Variants in KCNH5 observed in about 807,000 individuals in gnomAD.
KCNH5 encodes the protein voltage-gated delayed rectifier potassium channel KCNH5.
In KCNH5, 46 loss-of-function variants were observed where a neutral mutation model predicts 96.1. The observed-to-expected ratio is 0.48, with a 90% CI of 0.38 to 0.61. The LOEUF is 0.61. Ranked by LOEUF, KCNH5 falls within the 20% of genes least tolerant of loss-of-function variation. The pLI is 0.00. For synonymous variants in KCNH5, 439 were observed against 449.8 expected (o/e 0.98, Z 0.30); for missense variants, 907 against 1,225.8 (o/e 0.74, Z 3.88).
At chr14:62,853,704 T>A (rs576771209) in intron 7 of KCNH5, among the ~76,000 whole-genome samples, 236 of 151,512 alleles carry the variant, frequency 1.6e-3, no homozygotes, top group African/African-American at 5.6e-3. Flanking sequence ...CTCATTCAGG[T>A]CTCTGCTCAA....
intron 3 of KCNH5, among the ~76,000 whole-genome samples, chr14:63,002,039 A>G (rs532474736): frequency 3.2e-4 from 49 of 152,270 alleles, no homozygotes; most frequent in African/African-American, 1.1e-3. Flanking sequence ...GAGAGAGAGG[A>G]TGTCAGCAAA....
chr14:62,889,036 C>G (rs1478457355), intron 7 of KCNH5, among the ~76,000 whole-genome samples: 2 of 152,174 alleles, frequency 1.3e-5, no homozygotes, highest in Non-Finnish European at 2.9e-5. Flanking sequence ...CACCCTACAA[C>G]AGTAACGTCC....
intron 8 of KCNH5, among the ~76,000 whole-genome samples, chr14:62,815,768 CTG>C (rs1179797154): frequency 6.6e-6 from 1 of 151,936 alleles, no homozygotes; most frequent in Non-Finnish European, 1.5e-5. Context: ...CTTGGAATGA[CTG>C]TGATTTTGAA....
intron 4 of KCNH5, among the ~76,000 whole-genome samples, chr14:62,995,547 G>T (rs755415533): frequency 9.2e-5 from 14 of 152,076 alleles, no homozygotes; most frequent in Non-Finnish European, 1.6e-4. Flanking sequence ...GACTAAATAT[G>T]AGTGGATTAA....
In KCNH5 at chr14:63,001,431, A is replaced by G. The variant is rs1349107141; in HGVS notation, c.333T>C (p.Ile111=). The change falls in exon 4 of 11, where the codon ATT becomes ATC. Residue 111 remains isoleucine (I), a synonymous_variant. Transcript: ENST00000322893. The stretch of plus-strand genomic sequence containing the variant: ...TTTCATGTTCATTTCTTATTGGTGC[A>G]ATTTGCATATAAAACCAAACAGGGG... ...NRTPVWFYMQ[I]APIRNEHEKV... 3 of 1,611,802 alleles carry G rather than the reference A, an allele frequency of 1.9e-6. No homozygotes were observed. Among genetic ancestry groups the G allele is most frequent in the Non-Finnish European group, 1.7e-6 (2 of 1,179,140 alleles).
At chr14:62,871,357 T>C (rs1015118593) in intron 7 of KCNH5, among the ~76,000 whole-genome samples, 4 of 152,166 alleles carry the variant, frequency 2.6e-5, no homozygotes, top group African/African-American at 9.6e-5. Flanking sequence ...AAGAAAAGCT[T>C]CCCAGAGGAG....
chr14:63,003,471 A>ATTATATATATT, intron 3 of KCNH5, among the ~76,000 whole-genome samples: 1 of 131,202 alleles, frequency 7.6e-6, no homozygotes, highest in Non-Finnish European at 1.5e-5. Context: ...TTTTATATAT[A>ATTATATATATT]TTATATATAT....
rs549261764 is a variant in KCNH5, at chr14:62,731,555, C to G, written c.2020-23100G>C. Among the ~76,000 whole-genome samples the G allele has an allele frequency of 1.8e-4, 28 of 152,046 alleles. No individual in the cohort carries two copies. In the South Asian group the frequency reaches 5.8e-3, roughly 32 times the overall value. On this transcript the variant is annotated intron_variant, in intron 10 of 10. Coordinates refer to ENST00000322893, the MANE Select transcript of KCNH5 (RefSeq NM_139318.5). ...TTTTCTACTAAAATTTGAACCTCAC[C>G]TGAATTCATCTGCCTTTTGCAATAT...
rs540488884 is a variant in KCNH5, at chr14:62,986,190, T to C, written c.549+882A>G. Among the ~76,000 whole-genome samples the C allele has an allele frequency of 7.2e-5, 11 of 152,302 alleles. No individual in the cohort carries two copies. The South Asian group carries it at 1.9e-3, about 26-fold the overall frequency. On this transcript the variant is annotated intron_variant, in intron 5 of 10. Coordinates refer to ENST00000322893, the MANE Select transcript of KCNH5 (RefSeq NM_139318.5). Reference sequence around the variant, plus strand: ...CACTAGGCCAAGCAGGAGTTTTTAATCATTTTGTGCCTTGGATCCCTATGG... The same window carrying C: ...CACTAGGCCAAGCAGGAGTTTTTAACCATTTTGTGCCTTGGATCCCTATGG...
chr14:62,943,180 T>C (rs1274554903), intron 7 of KCNH5, among the ~76,000 whole-genome samples: 1 of 152,168 alleles, frequency 6.6e-6, no homozygotes, highest in African/African-American at 2.4e-5. Context: ...AATATGCAGA[T>C]GTAGAGTCCC....
At chr14:62,740,955 A>T (rs1314088725) in intron 10 of KCNH5, among the ~76,000 whole-genome samples, 1 of 152,118 alleles carries the variant, frequency 6.6e-6, no homozygotes, top group Non-Finnish European at 1.5e-5. Flanking sequence ...TACTTTGCTA[A>T]TTTTCAGAAA....
chr14:62,779,492 C>A (rs534161441), intron 10 of KCNH5, among the ~76,000 whole-genome samples: 17 of 152,232 alleles, frequency 1.1e-4, no homozygotes, highest in African/African-American at 3.1e-4. Context: ...CTCTTCAAGT[C>A]TGTTTTTCAT....
At chr14:62,756,040 GA>G (rs1055194152) in intron 10 of KCNH5, among the ~76,000 whole-genome samples, 3 of 141,800 alleles carry the variant, frequency 2.1e-5, no homozygotes, top group Non-Finnish European at 3.1e-5. Context: ...TTCCTCTAAG[GA>G]AAAAAAAAAC....
chr14:62,872,468 A>C (rs1016316419), intron 7 of KCNH5, among the ~76,000 whole-genome samples: 1 of 152,182 alleles, frequency 6.6e-6, no homozygotes, highest in Non-Finnish European at 1.5e-5. Context: ...AGGCGTGCAG[A>C]TCACAAGGTC....
At chr14:62,905,611 A>G (rs894049739) in intron 7 of KCNH5, among the ~76,000 whole-genome samples, 1 of 152,194 alleles carries the variant, frequency 6.6e-6, no homozygotes, top group Admixed American at 6.5e-5. Context: ...AATGTGTTCA[A>G]TTGCTGTGGA....
chr14:62,905,432 T>A (rs545119576), intron 7 of KCNH5, among the ~76,000 whole-genome samples: 1 of 152,264 alleles, frequency 6.6e-6, no homozygotes, highest in South Asian at 2.1e-4. Flanking sequence ...AAGATAAAAG[T>A]TTGGATTTGT....
intron 7 of KCNH5, among the ~76,000 whole-genome samples, chr14:62,925,453 A>T (rs540300433): frequency 6.6e-6 from 1 of 152,086 alleles, no homozygotes; most frequent in South Asian, 2.1e-4. Context: ...ATACTATTAT[A>T]TTTATCCTTT....
intron 5 of KCNH5, among the ~76,000 whole-genome samples, chr14:62,981,915 AT>A (rs1890615349): frequency 6.6e-6 from 1 of 152,212 alleles, no homozygotes; most frequent in African/African-American, 2.4e-5. Flanking sequence ...AAATGGAAAA[AT>A]TTTAGTGTAA....
At chr14:62,935,975 C>T (rs1038935233) in intron 7 of KCNH5, among the ~76,000 whole-genome samples, 11 of 151,994 alleles carry the variant, frequency 7.2e-5, no homozygotes, top group Middle Eastern at 3.2e-3. Context: ...TCAATATTTA[C>T]GACAGCAATG....
Sources: gnomAD v4.1 joint callset for allele counts (sites outside exome capture counted in the v4.1 genomes callset) on GRCh38, gnomAD v4.1.1 for gene constraint, MANE v1.5 for transcripts, NCBI Gene and HGNC (gene_info 2026-07-23, HGNC 2026-07-21) for gene names.